RHEB: variants seen among roughly 807,000 people sequenced by gnomAD.
RHEB encodes GTP-binding protein Rheb.
RHEB carries 2 observed loss-of-function variants against 28.8 expected under a neutral mutation model. That is an observed-to-expected ratio of 0.07 (90% CI 0.03 to 0.22). The LOEUF (loss-of-function observed/expected upper bound fraction) is 0.22, where lower values mean the gene tolerates loss of function less well. RHEB is among the 10% of genes least tolerant of loss of function. RHEB has a pLI of 1.00. For synonymous variants in RHEB, 69 were observed against 77.3 expected, an observed-to-expected ratio of 0.89 and a Z score of 0.56; for missense variants, 76 against 219.9, an observed-to-expected ratio of 0.35 and a Z score of 4.14.
chr7:151,495,903 G>A (rs1418468191), intron 1 of RHEB, among the ~76,000 whole-genome samples: 2 of 152,200 alleles, frequency 1.3e-5, no homozygotes, highest in Admixed American at 6.5e-5. Flanking sequence ...AGTGTGCGTT[G>A]AGCGTGCCAC....
intron 1 of RHEB, among the ~76,000 whole-genome samples, chr7:151,507,310 C>T (rs1802901462): frequency 6.6e-6 from 1 of 152,148 alleles, no homozygotes; most frequent in Non-Finnish European, 1.5e-5. Context: ...TGTGTAGCTC[C>T]CCCTATGGCA....
intron 1 of RHEB, among the ~76,000 whole-genome samples, chr7:151,518,798 C>G (rs1035411372): frequency 5.3e-5 from 8 of 152,194 alleles, no homozygotes; most frequent in African/African-American, 1.9e-4. Context: ...ACCGAGAGAT[C>G]AGACATTCCT....
intron 4 of RHEB, among the ~76,000 whole-genome samples, chr7:151,475,890 CA>C (rs1395444490): frequency 6.6e-6 from 1 of 151,894 alleles, no homozygotes; most frequent in Non-Finnish European, 1.5e-5. Flanking sequence ...ATTCAGAGAG[CA>C]AATAAAAGGA....
chr7:151,494,987 A>G (rs1274927534), intron 1 of RHEB, among the ~76,000 whole-genome samples: 3 of 152,214 alleles, frequency 2.0e-5, no homozygotes, highest in African/African-American at 7.2e-5. Flanking sequence ...TTCTGGCTTT[A>G]AGGAGTGTCT....
rs374090731 is a variant in RHEB, at chr7:151,478,723, C to T, written c.193-1308G>A. 9.5e-4 allele frequency among the ~76,000 whole-genome samples: 145 copies of T among 152,258 alleles called. 3 individuals are homozygous for T. The South Asian group carries it at 0.028, about 30-fold the overall frequency. Reference sequence around the variant, plus strand: ...CTATCTCAGCTCACTGCAACCTCCACCTCTCAGGTTCAAGCGATTCTCCTG... The same window carrying T: ...CTATCTCAGCTCACTGCAACCTCCATCTCTCAGGTTCAAGCGATTCTCCTG... On this transcript the variant is annotated intron_variant, in intron 3 of 7. Transcript: ENST00000262187.
rs997706212 is a variant in RHEB, at chr7:151,468,525, G to C, written c.463-1314C>G. ...TGCCTAGCCACCCGCCTGCATCCCTGGATCTGGGCACTCCCCAGAGAAAGC... is the reference window on the plus strand; with the variant it reads ...TGCCTAGCCACCCGCCTGCATCCCTCGATCTGGGCACTCCCCAGAGAAAGC... On this transcript the variant is annotated intron_variant, in intron 7 of 7. Transcript: ENST00000262187. The surrounding 1 kb of genome is among the most constrained non-coding windows in gnomAD (Gnocchi z 4.3). Among the ~76,000 whole-genome samples, 7 of 152,180 alleles carry C rather than the reference G, an allele frequency of 4.6e-5. No individual in the cohort carries two copies. Among genetic ancestry groups the C allele is most frequent in the Admixed American group, 1.3e-4 (2 of 15,284 alleles).
At chr7:151,494,644 T>C (rs905641963) in intron 1 of RHEB, among the ~76,000 whole-genome samples, 1 of 152,214 alleles carries the variant, frequency 6.6e-6, no homozygotes. Flanking sequence ...ATTTAAAACG[T>C]ATTCCTCCAG....
At chr7:151,502,367 A>G in intron 1 of RHEB, 2 of 822,190 alleles carry the variant, frequency 2.4e-6, no homozygotes, top group Non-Finnish European at 4.3e-6. Context: ...TGCATCTAAC[A>G]TTAAGGCAGG....
chr7:151,473,862 TG>T, intron 4 of RHEB, among the ~76,000 whole-genome samples: 1 of 152,360 alleles, frequency 6.6e-6, no homozygotes. Context: ...TACTGTGAGT[TG>T]ATCTACTAAA....
chr7:151,467,675 T>C (rs1328291803), intron 7 of RHEB, among the ~76,000 whole-genome samples: 2 of 152,178 alleles, frequency 1.3e-5, no homozygotes, highest in African/African-American at 4.8e-5. Flanking sequence ...GCTCCTGAGA[T>C]GCCACGATGC....
chr7:151,490,881 C>A, intron 2 of RHEB, 62 bp downstream of exon 2: 1 of 1,226,916 alleles, frequency 8.2e-7, no homozygotes, highest in Non-Finnish European at 1.2e-6. Flanking sequence ...CATGAATACA[C>A]AATGGCTATT....
intron 1 of RHEB, chr7:151,502,576 C>T (rs1156527813): frequency 1.6e-6 from 2 of 1,215,660 alleles, no homozygotes; most frequent in East Asian, 2.3e-5. Flanking sequence ...CAACAAATTC[C>T]ATAAAGGGGC....
At chr7:151,484,279 T>C (rs1802428569) in intron 3 of RHEB, among the ~76,000 whole-genome samples, 1 of 152,188 alleles carries the variant, frequency 6.6e-6, no homozygotes, top group South Asian at 2.1e-4. Context: ...AATATGACTC[T>C]CTAATATAGA....
chr7:151,488,391 A>G (rs2150928138), intron 2 of RHEB, among the ~76,000 whole-genome samples: 1 of 152,378 alleles, frequency 6.6e-6, no homozygotes, highest in East Asian at 1.9e-4. Flanking sequence ...TTCTAATATT[A>G]TAAAGTGTAA....
In RHEB at chr7:151,498,479, T is replaced by C. The variant is rs139331694; in HGVS notation, c.53-7465A>G. The stretch of plus-strand genomic sequence containing the variant: ...CTATAAAAAAAATACAAAAAAAAAT[T>C]AGCAGGGTGTGGTAGTGCACGCCCA... On this transcript the variant is annotated intron_variant, in intron 1 of 7. Coordinates refer to ENST00000262187, the MANE Select transcript of RHEB (RefSeq NM_005614.4). Among the ~76,000 whole-genome samples the C allele has an allele frequency of 1.4e-3, 214 of 151,940 alleles. 1 individual carries two copies. Among genetic ancestry groups the C allele is most frequent in the African/African-American group, 4.6e-3 (192 of 41,432 alleles).
At chr7:151,481,993 A>AT (rs1261409176) in intron 3 of RHEB, among the ~76,000 whole-genome samples, 1 of 152,236 alleles carries the variant, frequency 6.6e-6, no homozygotes, top group Non-Finnish European at 1.5e-5. Flanking sequence ...TTCCAACTTG[A>AT]TAAGTAGTCA....
intron 1 of RHEB, chr7:151,518,072 G>A (rs1279657238): frequency 6.6e-6 from 1 of 152,160 alleles, no homozygotes; most frequent in Non-Finnish European, 1.5e-5. Context: ...CCCTCCATTT[G>A]ATTCATGGTT....
chr7:151,497,553 G>C (rs754906347), intron 1 of RHEB, among the ~76,000 whole-genome samples: 1 of 152,204 alleles, frequency 6.6e-6, no homozygotes, highest in Non-Finnish European at 1.5e-5. Context: ...CAGGCACTGA[G>C]GATATGGCCA....
intron 1 of RHEB, among the ~76,000 whole-genome samples, chr7:151,492,628 A>G (rs1164609344): frequency 6.6e-6 from 1 of 151,448 alleles, no homozygotes; most frequent in Non-Finnish European, 1.5e-5. Context: ...TAAAAAAAAA[A>G]AAAGAAAAAA....
Sources: gnomAD v4.1 joint callset for allele counts (sites outside exome capture counted in the v4.1 genomes callset) on GRCh38, gnomAD v4.1.1 for gene constraint, Gnocchi (gnomAD v3.1) non-coding constraint, MANE v1.5 for transcripts, NCBI Gene and HGNC (gene_info 2026-07-23, HGNC 2026-07-21) for gene names.